Variants in SMARCE1 observed in about 807,000 individuals in gnomAD.
SMARCE1 encodes the protein SWI/SNF related BAF chromatin remodeling complex subunit E1.
SMARCE1 carries 13 observed loss-of-function variants against 54.9 expected under a neutral mutation model. The observed-to-expected ratio is 0.24, with a 90% CI of 0.15 to 0.38. SMARCE1 has a LOEUF of 0.38. Ranked by LOEUF, SMARCE1 falls within the 10% of genes least tolerant of loss-of-function variation. The probability of loss-of-function intolerance (pLI) is 1.00; values close to 1 mark genes in which losing one functional copy is unlikely to be tolerated. For synonymous variants in SMARCE1, 151 were observed against 175.3 expected (o/e 0.86, Z 1.10); for missense variants, 295 against 523.8 (o/e 0.56, Z 4.26).
rs1054265805 is a variant in SMARCE1, at chr17:40,626,267, C to T, written c.*2518G>A. 4.6e-5 allele frequency: 7 copies of T among 152,008 alleles called. No individual in the cohort carries two copies. The highest frequency in any genetic ancestry group is 7.4e-5 in the Non-Finnish European group (5 of 68,000). 9.4% of individuals were successfully genotyped at this position (152,008 alleles called of 1,614,324 possible). A position where few individuals can be genotyped will look rare whatever the true frequency, so the allele number is the denominator to read the frequency against. Reference sequence around the variant, plus strand: ...GTGACTATCGAGGATTCCCCTCTCCCATTTGTTAAAAAAAATTAACAAAAT... The same window carrying T: ...GTGACTATCGAGGATTCCCCTCTCCTATTTGTTAAAAAAAATTAACAAAAT... On this transcript the variant is annotated 3_prime_UTR_variant, in exon 11 of 11. Coordinates refer to ENST00000348513, the MANE Select transcript of SMARCE1 (RefSeq NM_003079.5).
intron 5 of SMARCE1, 192 bp from the exon 6 acceptor site, chr17:40,636,718 A>G: frequency 2.0e-6 from 1 of 497,512 alleles, no homozygotes; most frequent in Middle Eastern, 5.3e-4. Flanking sequence ...CTACTGGATT[A>G]CTTTAAGATA....
At chr17:40,641,629 T>C (rs1258898485) in intron 4 of SMARCE1, 1 of 152,242 alleles carries the variant, frequency 6.6e-6, no homozygotes, top group Non-Finnish European at 1.5e-5. Flanking sequence ...CATTCCAATG[T>C]AGTATTTGAC....
At chr17:40,641,242 G>A (rs915221571) in intron 4 of SMARCE1, 2 of 152,098 alleles carry the variant, frequency 1.3e-5, no homozygotes, top group African/African-American at 4.8e-5. Context: ...TTAGGCCAGG[G>A]AAAAACATGT....
chr17:40,646,173 T>C (rs1315103545), intron 1 of SMARCE1, among the ~76,000 whole-genome samples: 2 of 152,210 alleles, frequency 1.3e-5, no homozygotes, highest in Non-Finnish European at 2.9e-5. Context: ...AGGATGAGAA[T>C]AGAAAGTGAT....
chr17:40,643,917 G>A (rs2037223487), intron 3 of SMARCE1: 1 of 152,678 alleles, frequency 6.5e-6, no homozygotes, highest in Non-Finnish European at 1.5e-5. Flanking sequence ...CATGAAAGAA[G>A]TGTATATTAC....
rs1180483142 is a variant in SMARCE1 at position 40,642,048 on chromosome 17, C to T, written c.156+407G>A. ...GGTGTACCAGCCAAAAGCTTTCCAG[C>T]CCTGAAAAAGCCAGGTCTGAAAGAC... On this transcript the variant is annotated intron_variant, in intron 4 of 10. Transcript: ENST00000348513. This position sits in a 1 kb window ranked among gnomAD's most constrained non-coding sequence, Gnocchi z 4.6. The T allele has an allele frequency of 1.6e-5, 4 of 249,226 alleles. No homozygotes were observed. Among genetic ancestry groups the T allele is most frequent in the African/African-American group, 9.1e-5 (4 of 43,798 alleles). The allele number at this position is 249,226 out of a possible 1,614,324, so 15.4% of individuals were successfully genotyped here.
chr17:40,639,094 C>G (rs1266759342), intron 4 of SMARCE1, among the ~76,000 whole-genome samples: 2 of 152,156 alleles, frequency 1.3e-5, no homozygotes, highest in Non-Finnish European at 2.9e-5. Flanking sequence ...CCCAGGTAGA[C>G]AGACACTGTT....
At position 40,642,816 on chromosome 17, in the gene SMARCE1, T is replaced by C; in HGVS notation, c.52-257A>G. On this transcript the variant is annotated intron_variant, in intron 3 of 10. Transcript: ENST00000348513. The surrounding 1 kb of genome is among the most constrained non-coding windows in gnomAD (Gnocchi z 4.6). Reference sequence around the variant, plus strand: ...CTGGGGGTGTTTGTGTGACTGTGAATGTGTGTTTTGTTTTTTGAGGTAAGC... The same window carrying C: ...CTGGGGGTGTTTGTGTGACTGTGAACGTGTGTTTTGTTTTTTGAGGTAAGC... The C allele has an allele frequency of 2.3e-6, 1 of 438,092 alleles. No homozygotes were observed. The highest frequency in any genetic ancestry group is 4.1e-5 in the Admixed American group (1 of 24,354). The allele number at this position is 438,092 out of a possible 1,614,324, so 27.1% of individuals were successfully genotyped here.
intron 1 of SMARCE1, among the ~76,000 whole-genome samples, chr17:40,647,077 GCT>G (rs3834972): frequency 0.14 from 20,555 of 152,142 alleles, 1,868 homozygotes; most frequent in East Asian, 0.35. Flanking sequence ...TAAAATTATT[GCT>G]CTCTTTTGCT....
At chr17:40,629,341 T>A (rs1049725826) in intron 10 of SMARCE1, 10 of 418,992 alleles carry the variant, frequency 2.4e-5, no homozygotes, top group African/African-American at 1.0e-4. Flanking sequence ...ATTTAGGATA[T>A]GTTGAATTAA....
At chr17:40,637,352 T>C (rs2037156731) in intron 5 of SMARCE1, 140 bp downstream of exon 5, 2 of 716,086 alleles carry the variant, frequency 2.8e-6, no homozygotes, top group South Asian at 1.5e-5. Flanking sequence ...TCAGAACTAA[T>C]TGCTTTAAAA....
chr17:40,634,522 T>C (rs1190274584), intron 7 of SMARCE1: 1 of 152,246 alleles, frequency 6.6e-6, no homozygotes, highest in East Asian at 1.9e-4. Context: ...ACATTTGACA[T>C]ACATTTCCAC....
chr17:40,636,559 G>C, intron 5 of SMARCE1, 33 bp from the exon 6 acceptor site: 1 of 1,573,038 alleles, frequency 6.4e-7, no homozygotes, highest in African/African-American at 1.3e-5. Flanking sequence ...TGTTAATACT[G>C]ATGTCTAAAC....
At chr17:40,631,147 A>C in intron 9 of SMARCE1, 1 of 462,042 alleles carries the variant, frequency 2.2e-6, no homozygotes, top group South Asian at 4.2e-5. Flanking sequence ...AATATAGGAT[A>C]TTCCAGAGCA....
At chr17:40,646,276 TAA>T (rs1433658128) in intron 1 of SMARCE1, among the ~76,000 whole-genome samples, 4 of 152,242 alleles carry the variant, frequency 2.6e-5, no homozygotes, top group Non-Finnish European at 4.4e-5. Context: ...CAATTTTTAT[TAA>T]AATTAGGCAG....
chr17:40,637,247 T>C, intron 5 of SMARCE1: 2 of 482,406 alleles, frequency 4.1e-6, no homozygotes, highest in Non-Finnish European at 7.5e-6. Context: ...CCAAAAGAAA[T>C]GACTTTAATG....
Position 40,636,380 on chromosome 17 carries a change from G to A in SMARCE1, c.369+15C>T, listed in dbSNP as rs747316377. On this transcript the variant is annotated intron_variant, in intron 6 of 10. Coordinates refer to ENST00000348513, the MANE Select transcript of SMARCE1 (RefSeq NM_003079.5). Reference sequence around the variant, plus strand: ...CTTTACACATTATCTATCCCACTGTGAGCCCCTACCCTACCTTTTCTGCTT... The same window carrying A: ...CTTTACACATTATCTATCCCACTGTAAGCCCCTACCCTACCTTTTCTGCTT... The A allele has an allele frequency of 6.2e-7, 1 of 1,608,922 alleles. No homozygotes were observed. The highest frequency in any genetic ancestry group is 8.5e-7 in the Non-Finnish European group (1 of 1,177,248).
intron 10 of SMARCE1, chr17:40,630,376 G>A: frequency 1.4e-6 from 1 of 691,724 alleles, no homozygotes; most frequent in Non-Finnish European, 2.6e-6. Flanking sequence ...TATCCCCAAA[G>A]CAGCCACAGA....
At chr17:40,631,983 T>C in intron 8 of SMARCE1, 2 of 553,862 alleles carry the variant, frequency 3.6e-6, no homozygotes, top group Non-Finnish European at 6.3e-6. Context: ...TTAACGAATA[T>C]ACTTTCCATT....
Sources: gnomAD v4.1 joint callset for allele counts (sites outside exome capture counted in the v4.1 genomes callset) on GRCh38, gnomAD v4.1.1 for gene constraint, Gnocchi (gnomAD v3.1) non-coding constraint, MANE v1.5 for transcripts, NCBI Gene and HGNC (gene_info 2026-07-23, HGNC 2026-07-21) for gene names.